The following GRIA3 variants were observed in gnomAD, a reference collection of about 807,000 sequenced individuals.
GRIA3 encodes the protein glutamate receptor 3.
In GRIA3, 3 loss-of-function variants were observed where a neutral mutation model predicts 63.0. That is an observed-to-expected ratio of 0.05 (90% CI 0.02 to 0.12). The LOEUF (loss-of-function observed/expected upper bound fraction) is 0.12, where lower values mean the gene tolerates loss of function less well. GRIA3 is among the 10% of genes least tolerant of loss of function. The pLI, the probability that GRIA3 is intolerant of heterozygous loss-of-function variation, is 1.00. For missense variants in GRIA3, 347 were observed against 700.9 expected, an observed-to-expected ratio of 0.50 and a Z score of 5.70; for synonymous variants, 274 against 257.9, an observed-to-expected ratio of 1.06 and a Z score of -0.60.
At chrX:123,297,517 G>A (rs1338529822) in intron 3 of GRIA3, among the ~76,000 whole-genome samples, 1 of 111,709 alleles carries the variant, frequency 9.0e-6, no homozygotes, top group Non-Finnish European at 1.9e-5. Flanking sequence ...GGGAAAAGTG[G>A]TAACAATAGC....
At chrX:123,243,228 T>C (rs917202560) in intron 2 of GRIA3, among the ~76,000 whole-genome samples, 1 of 112,458 alleles carries the variant, frequency 8.9e-6, no homozygotes, top group African/African-American at 3.2e-5. Flanking sequence ...CTACTCTTCA[T>C]ACAGCAGCAA....
chrX:123,322,444 A>G (rs775246245), intron 3 of GRIA3, among the ~76,000 whole-genome samples: 11 of 111,820 alleles, frequency 9.8e-5, no homozygotes, highest in Non-Finnish European at 1.9e-4. Flanking sequence ...AGAGTGGATG[A>G]CAATTCTGAA....
chrX:123,486,389 C>A (rs1206484329), intron 15 of GRIA3, among the ~76,000 whole-genome samples: 1 of 111,818 alleles, frequency 8.9e-6, no homozygotes, highest in Non-Finnish European at 1.9e-5. Flanking sequence ...AGGCAACACT[C>A]ACATTTTAAT....
chrX:123,303,210 T>A (rs1404458441), intron 3 of GRIA3, among the ~76,000 whole-genome samples: 1 of 111,165 alleles, frequency 9.0e-6, no homozygotes, highest in Non-Finnish European at 1.9e-5. Context: ...TCTAGATTTG[T>A]CATTGACTAA....
intron 12 of GRIA3, among the ~76,000 whole-genome samples, chrX:123,453,461 A>T (rs2045745243): frequency 9.0e-6 from 1 of 111,423 alleles, no homozygotes; most frequent in African/African-American, 3.3e-5. Flanking sequence ...TAATGGGTGC[A>T]GCACACCAAC....
chrX:123,474,840 A>T (rs763509150), intron 13 of GRIA3, among the ~76,000 whole-genome samples: 1 of 112,142 alleles, frequency 8.9e-6, no homozygotes, highest in African/African-American at 3.2e-5. Context: ...GGTACAACCC[A>T]GGAACTGAGC....
rs764300152 is a variant in GRIA3 at position 123,210,313 on chromosome X, AT to A, written c.268+24326del. On this transcript the variant is annotated intron_variant, in intron 2 of 15. Coordinates refer to ENST00000620443, the MANE Select transcript of GRIA3 (RefSeq NM_007325.5). ...TTTCTATTCTCACTAATCTACCAAC[AT>A]TTCTCTTTTGAGTTCACCAGTGATC... is the stretch of plus-strand genomic sequence containing the variant. 1.2e-4 allele frequency among the ~76,000 whole-genome samples: 13 copies of A among 109,475 alleles called. 1 individual carries two copies. The highest frequency in any genetic ancestry group is 4.3e-4 in the African/African-American group (13 of 30,130).
chrX:123,426,312 C>G (rs765936841), intron 11 of GRIA3, among the ~76,000 whole-genome samples: 5 of 111,907 alleles, frequency 4.5e-5, no homozygotes, highest in African/African-American at 1.3e-4. Flanking sequence ...TGAGTACAAG[C>G]CATTACCCAT....
chrX:123,290,329 A>T (rs1292172911), intron 3 of GRIA3, among the ~76,000 whole-genome samples: 2 of 111,880 alleles, frequency 1.8e-5, no homozygotes. Flanking sequence ...AGTTACAGCA[A>T]ATATATATTT....
intron 2 of GRIA3, among the ~76,000 whole-genome samples, chrX:123,191,237 A>G (rs1927426184): frequency 8.9e-6 from 1 of 112,781 alleles, no homozygotes; most frequent in Admixed American, 9.3e-5. Context: ...TAAAAAATCA[A>G]GTTTTGACTT....
At chrX:123,433,412 C>T (rs1183584206) in intron 12 of GRIA3, among the ~76,000 whole-genome samples, 1 of 111,963 alleles carries the variant, frequency 8.9e-6, no homozygotes, top group African/African-American at 3.2e-5. Flanking sequence ...GCCTGCATAA[C>T]TGCAGTGATT....
intron 3 of GRIA3, among the ~76,000 whole-genome samples, chrX:123,273,773 C>A (rs1476746054): frequency 1.8e-5 from 2 of 112,399 alleles, no homozygotes; most frequent in Non-Finnish European, 3.8e-5. Context: ...TATCCCACTT[C>A]TTCTCGCTCA....
At chrX:123,406,567 G>C (rs1430389033) in intron 10 of GRIA3, among the ~76,000 whole-genome samples, 1 of 111,517 alleles carries the variant, frequency 9.0e-6, no homozygotes, top group Admixed American at 9.5e-5. Context: ...GCACAGAAAG[G>C]TAACAAAAGC....
intron 5 of GRIA3, among the ~76,000 whole-genome samples, chrX:123,369,551 C>T (rs1418023705): frequency 1.8e-5 from 2 of 112,173 alleles, no homozygotes; most frequent in Non-Finnish European, 3.8e-5. Context: ...GTTGTATGCA[C>T]TGTGCTTGTC....
At chrX:123,295,404 A>G (rs1446396534) in intron 3 of GRIA3, among the ~76,000 whole-genome samples, 1 of 111,695 alleles carries the variant, frequency 9.0e-6, no homozygotes, top group Non-Finnish European at 1.9e-5. Flanking sequence ...CATTCTGCAT[A>G]TTTTATAATT....
At chrX:123,387,319 T>A (rs777333158) in intron 5 of GRIA3, among the ~76,000 whole-genome samples, 57 of 111,886 alleles carry the variant, frequency 5.1e-4, no homozygotes, top group Non-Finnish European at 9.6e-4. Flanking sequence ...TATTTAATGA[T>A]CAGATCTAAG....
At chrX:123,459,015 T>C (rs1219346270) in intron 12 of GRIA3, among the ~76,000 whole-genome samples, 1 of 111,980 alleles carries the variant, frequency 8.9e-6, no homozygotes, top group Non-Finnish European at 1.9e-5. Context: ...AAACAAATTA[T>C]ACTTTCTTTA....
At chrX:123,260,279 G>A (rs1393893323) in intron 3 of GRIA3, among the ~76,000 whole-genome samples, 1 of 102,757 alleles carries the variant, frequency 9.7e-6, no homozygotes, top group Non-Finnish European at 2.0e-5. Flanking sequence ...CTGGTTGGAG[G>A]AGCCTATTCT....
intron 3 of GRIA3, among the ~76,000 whole-genome samples, chrX:123,288,499 T>C (rs1161382643): frequency 9.0e-6 from 1 of 111,182 alleles, no homozygotes; most frequent in Non-Finnish European, 1.9e-5. Context: ...TGGGAGAAAA[T>C]CTTTGCAATC....
Sources: gnomAD v4.1 joint callset for allele counts (sites outside exome capture counted in the v4.1 genomes callset) on GRCh38, gnomAD v4.1.1 for gene constraint, MANE v1.5 for transcripts, NCBI Gene and HGNC (gene_info 2026-07-23, HGNC 2026-07-21) for gene names.